TG: variants seen among roughly 807,000 people sequenced by gnomAD.
TG encodes thyroid hormones.
A neutral mutation model predicts 324.7 loss-of-function variants in TG; 270 were observed. The ratio of observed to expected loss-of-function variants is 0.83; its 90% CI spans 0.75 to 0.92. The LOEUF (loss-of-function observed/expected upper bound fraction) is 0.92, where lower values mean the gene tolerates loss of function less well. Ranked by LOEUF, TG falls within the 40% of genes least tolerant of loss-of-function variation. The probability of loss-of-function intolerance (pLI) is 0.00; values close to 1 mark genes in which losing one functional copy is unlikely to be tolerated. For missense variants in TG, 3,591 were observed against 3,456.4 expected (o/e 1.04, Z -0.98); for synonymous variants, 1,401 against 1,327.0 (o/e 1.06, Z -1.21).
At position 132,985,695 on chromosome 8, in the gene TG, C is replaced by T. The variant is rs571140619; in HGVS notation, c.6262+2283C>T. On this transcript the variant is annotated intron_variant, in intron 35 of 47. Transcript: ENST00000220616. The stretch of plus-strand genomic sequence containing the variant: ...ATCCCTGCTGTACCCCTGCCCTCTG[C>T]AGCACCTGCTTCCTGCTCATCAAAG... Among the ~76,000 whole-genome samples, 51 of 152,292 alleles carry T rather than the reference C, an allele frequency of 3.3e-4. 1 individual carries two copies. Among genetic ancestry groups the T allele is most frequent in the Admixed American group, 1.2e-3 (18 of 15,294 alleles).
At chr8:132,882,229 C>T (rs1480122724) in intron 6 of TG, among the ~76,000 whole-genome samples, 1 of 152,238 alleles carries the variant, frequency 6.6e-6, no homozygotes, top group African/African-American at 2.4e-5. Flanking sequence ...CCGAAATTGG[C>T]GAGTGGAGCA....
chr8:132,936,298 T>A (rs1823583607), intron 25 of TG, among the ~76,000 whole-genome samples: 1 of 152,174 alleles, frequency 6.6e-6, no homozygotes, highest in African/African-American at 2.4e-5. Flanking sequence ...GGTGCCGGGC[T>A]CCCAGCAGCT....
intron 43 of TG, among the ~76,000 whole-genome samples, chr8:133,109,532 G>A (rs1380427256): frequency 6.6e-6 from 1 of 152,168 alleles, no homozygotes; most frequent in African/African-American, 2.4e-5. Context: ...AGGAGTCACA[G>A]AAATTGAAGG....
At chr8:133,049,575 G>A (rs1006606632) in intron 41 of TG, 18 of 329,374 alleles carry the variant, frequency 5.5e-5, no homozygotes, top group African/African-American at 2.3e-4. Flanking sequence ...TTTGAACCTA[G>A]ACACACTGAC....
intron 8 of TG, chr8:132,883,292 A>G (rs553502511): frequency 7.5e-5 from 31 of 415,952 alleles, no homozygotes; most frequent in African/African-American, 5.2e-4. Context: ...AGGAGCATGC[A>G]CATAACTAAA....
At chr8:132,867,273 G>A (rs369772249) in intron 1 of TG, among the ~76,000 whole-genome samples, 25 of 152,108 alleles carry the variant, frequency 1.6e-4, no homozygotes, top group East Asian at 1.3e-3. Flanking sequence ...GTGATTGATG[G>A]AGCAGAAATG....
intron 44 of TG, among the ~76,000 whole-genome samples, chr8:133,114,131 C>G (rs114344094): frequency 1.3e-5 from 2 of 152,202 alleles, no homozygotes; most frequent in Non-Finnish European, 2.9e-5. Context: ...CCACCCGGCA[C>G]GTGGGAAGCA....
At chr8:133,019,741 T>G in intron 39 of TG, 46 bp downstream of exon 39, 1 of 1,529,418 alleles carries the variant, frequency 6.5e-7, no homozygotes, top group Non-Finnish European at 9.0e-7. Context: ...GACTGTCCCA[T>G]TAGAAATCCA....
At chr8:133,054,507 G>T (rs991681659) in intron 41 of TG, among the ~76,000 whole-genome samples, 1 of 152,200 alleles carries the variant, frequency 6.6e-6, no homozygotes, top group Admixed American at 6.5e-5. Flanking sequence ...TCATAGGATT[G>T]AGTGAAGGAT....
chr8:133,117,932 A>G (rs1366646059), intron 45 of TG, among the ~76,000 whole-genome samples: 2 of 152,162 alleles, frequency 1.3e-5, no homozygotes, highest in South Asian at 4.1e-4. Context: ...CTTACCTACA[A>G]AATAAGACTA....
intron 10 of TG, among the ~76,000 whole-genome samples, chr8:132,893,008 GGT>G (rs199585572): frequency 0.039 from 5,674 of 145,648 alleles, 245 homozygotes; most frequent in African/African-American, 0.11. Context: ...GTATGTGGGT[GGT>G]GTGTGTGTGT....
In TG at chr8:133,013,746, C is replaced by T; in HGVS notation, c.6544C>T (p.His2182Tyr). Residue 2182 changes from histidine to tyrosine, a missense_variant, in exon 37 of 48, where the codon CAC becomes TAC. By Grantham distance (83) the His-to-Tyr change is moderately conservative (BLOSUM62 2). Coordinates refer to ENST00000220616, the MANE Select transcript of TG (RefSeq NM_003235.5). ...CRLLLREEATHIYRKPGISLL... is the reference protein window; with the variant it reads ...CRLLLREEATYIYRKPGISLL... The stretch of plus-strand genomic sequence containing the variant: ...ACTTCTGCTTCGTGAAGAGGCCACC[C>T]ACATCTACCGGAAGCCAGGTAAGCC... The T allele has an allele frequency of 1.2e-6, 2 of 1,611,784 alleles. No individual in the cohort carries two copies. The highest frequency in any genetic ancestry group is 1.7e-6 in the Non-Finnish European group (2 of 1,179,964).
At chr8:132,970,067 G>T (rs1371111443) in intron 32 of TG, among the ~76,000 whole-genome samples, 1 of 151,958 alleles carries the variant, frequency 6.6e-6, no homozygotes, top group Non-Finnish European at 1.5e-5. Flanking sequence ...GCTGGATGAT[G>T]AAAGAGCCAC....
chr8:133,019,237 G>A (rs1383333470), intron 38 of TG, among the ~76,000 whole-genome samples: 1 of 152,154 alleles, frequency 6.6e-6, no homozygotes, highest in Admixed American at 6.5e-5. Flanking sequence ...TAGAAAGCAG[G>A]TAGGACACCC....
chr8:132,916,809 A>T (rs1223401537), intron 20 of TG, among the ~76,000 whole-genome samples: 2 of 152,346 alleles, frequency 1.3e-5, no homozygotes, highest in East Asian at 3.9e-4. Flanking sequence ...GAAGGAGAAT[A>T]ACTGAGAAAT....
At chr8:133,029,231 T>TAA (rs371401509) in intron 40 of TG, among the ~76,000 whole-genome samples, 1 of 140,872 alleles carries the variant, frequency 7.1e-6, no homozygotes, top group South Asian at 2.1e-4. Context: ...TCATTTTATT[T>TAA]AAAAAAAAAA....
At position 133,096,483 on chromosome 8, in the gene TG, G is replaced by C; in HGVS notation, c.7572+110G>C. 4 of 1,312,354 alleles carry C rather than the reference G, an allele frequency of 3.0e-6. No individual in the cohort carries two copies. The South Asian group carries it at 5.0e-5, about 16-fold the overall frequency. The allele number at this position is 1,312,354 out of a possible 1,614,324, so 81.3% of individuals were successfully genotyped here. On this transcript the variant is annotated intron_variant, in intron 43 of 47. Transcript: ENST00000220616. ...ATTGACCAATTGCTGAGTAACTACT[G>C]TGTGCAATGCCTATGTGAGTTTAGG...
chr8:132,901,330 C>T (rs1817898185), intron 15 of TG, 23 bp from the exon 16 acceptor site: 1 of 1,613,706 alleles, frequency 6.2e-7, no homozygotes, highest in Non-Finnish European at 8.5e-7. Context: ...TTCCCCAGCC[C>T]ATCTGGCTTG....
intron 37 of TG, 99 bp from the exon 38 acceptor site, chr8:133,017,679 A>AT: frequency 1.7e-6 from 2 of 1,201,436 alleles, no homozygotes; most frequent in Non-Finnish European, 2.5e-6. Flanking sequence ...AAAAACCGTG[A>AT]TTTTTCTTTT....
Sources: allele counts gnomAD v4.1 joint callset (sites outside exome capture counted in the v4.1 genomes callset), GRCh38; gene constraint gnomAD v4.1.1; transcripts MANE v1.5; gene names NCBI Gene and HGNC (gene_info 2026-07-23, HGNC 2026-07-21).